Variants in WHRN observed in about 807,000 individuals in gnomAD.
WHRN encodes the protein whirlin, also known as CASK-interacting protein CIP98.
In WHRN, 41 loss-of-function variants were observed where a neutral mutation model predicts 68.3. That is an observed-to-expected ratio of 0.60 (90% CI 0.47 to 0.78). The LOEUF (loss-of-function observed/expected upper bound fraction) is 0.78, where lower values mean the gene tolerates loss of function less well. WHRN is among the 30% of genes least tolerant of loss of function. The pLI, the probability that WHRN is intolerant of heterozygous loss-of-function variation, is 0.00. For missense variants in WHRN, 1,243 were observed against 1,244.7 expected (o/e 1.00, Z 0.02); for synonymous variants, 560 against 561.3 (o/e 1.00, Z 0.03).
rs1345517736 is a variant in WHRN at position 114,402,218 on chromosome 9, G to C, written c.*536C>G. 5.8e-6 allele frequency: 1 copy of C among 172,386 alleles called. No individual in the cohort carries two copies. Among genetic ancestry groups the C allele is most frequent in the African/African-American group, 2.4e-5 (1 of 41,982 alleles). The allele number at this position is 172,386 out of a possible 1,614,324, so 10.7% of individuals were successfully genotyped here. A position where few individuals can be genotyped will look rare whatever the true frequency, so the allele number is the denominator to read the frequency against. On this transcript the variant is annotated 3_prime_UTR_variant, in exon 12 of 12. Transcript: ENST00000362057. ...GAAGCTGGGGCCTTGGGGTCCCCAG[G>C]GGCATGGGGAGGGAAATAAATAATA... is the stretch of plus-strand genomic sequence containing the variant.
At chr9:114,450,531 C>A (rs951172669) in intron 3 of WHRN, among the ~76,000 whole-genome samples, 5 of 152,138 alleles carry the variant, frequency 3.3e-5, no homozygotes, top group African/African-American at 1.2e-4. Flanking sequence ...GAGCCTCAAG[C>A]AAGACTCATG....
intron 3 of WHRN, among the ~76,000 whole-genome samples, chr9:114,442,226 C>G (rs1838432540): frequency 1.3e-5 from 2 of 152,064 alleles, no homozygotes; most frequent in Non-Finnish European, 2.9e-5. Flanking sequence ...GGACTGGGAG[C>G]AGAAAGAATT....
At chr9:114,485,896 C>T (rs1445402318) in intron 1 of WHRN, among the ~76,000 whole-genome samples, 1 of 151,932 alleles carries the variant, frequency 6.6e-6, no homozygotes. Context: ...CACCTGCAGT[C>T]CTAGCTACTC....
At chr9:114,459,440 G>T (rs1028487150) in intron 3 of WHRN, among the ~76,000 whole-genome samples, 1 of 145,028 alleles carries the variant, frequency 6.9e-6, no homozygotes, top group Non-Finnish European at 1.5e-5. Flanking sequence ...TCCAGCCTGG[G>T]CAATAGAGCG....
At chr9:114,458,411 T>C (rs1839981938) in intron 3 of WHRN, among the ~76,000 whole-genome samples, 1 of 152,250 alleles carries the variant, frequency 6.6e-6, no homozygotes, top group African/African-American at 2.4e-5. Flanking sequence ...ATGTGTATTT[T>C]TGCGGGCTTC....
chr9:114,420,231 G>A (rs972776837), intron 7 of WHRN, among the ~76,000 whole-genome samples: 1 of 152,184 alleles, frequency 6.6e-6, no homozygotes, highest in Non-Finnish European at 1.5e-5. Flanking sequence ...TACCTTGAAT[G>A]CTTTGGGCAG....
chr9:114,425,472 A>C (rs1836740173), intron 4 of WHRN: 3 of 416,408 alleles, frequency 7.2e-6, no homozygotes, highest in South Asian at 9.2e-5. Context: ...GATTTTTAAG[A>C]AGCATCCAGA....
rs564891673 is a variant in WHRN, at chr9:114,445,238, C to T, written c.964-18825G>A. 2.2e-4 allele frequency among the ~76,000 whole-genome samples: 34 copies of T among 152,174 alleles called. 1 individual carries two copies. The South Asian group carries it at 6.8e-3, about 31-fold the overall frequency. On this transcript the variant is annotated intron_variant, in intron 3 of 11. Coordinates refer to ENST00000362057, the MANE Select transcript of WHRN (RefSeq NM_015404.4). ...TGTATTTTTAGTAGAGATGGAGTTT[C>T]ACCATGTTGCCCAGGCTAGTCTCAA...
chr9:114,406,332 G>A (rs867036687), intron 9 of WHRN, 23 bp downstream of exon 9: 1 of 1,613,602 alleles, frequency 6.2e-7, no homozygotes, highest in African/African-American at 1.3e-5. Flanking sequence ...AAGGACCACA[G>A]AGCCTGGCCT....
intron 1 of WHRN, among the ~76,000 whole-genome samples, chr9:114,499,467 G>A (rs975777204): frequency 5.9e-5 from 9 of 152,216 alleles, no homozygotes; most frequent in African/African-American, 2.2e-4. Flanking sequence ...CAGATTCGCT[G>A]GTCCTGGCTG....
Position 114,466,193 on chromosome 9 carries a change from G to A in WHRN, c.963+74C>T, listed in dbSNP as rs1840673766. 4 of 1,603,974 alleles carry A rather than the reference G, an allele frequency of 2.5e-6. No individual in the cohort carries two copies. The East Asian group carries it at 6.7e-5, about 27-fold the overall frequency. On this transcript the variant is annotated intron_variant, in intron 3 of 11. Coordinates refer to ENST00000362057, the MANE Select transcript of WHRN (RefSeq NM_015404.4). ...CTCAAGGTGGAGTGCTGATTGCTCT[G>A]CTGGAGGTCTATTTAAAATCAGCAG...
chr9:114,492,095 T>G (rs1366955454), intron 1 of WHRN, among the ~76,000 whole-genome samples: 1 of 150,978 alleles, frequency 6.6e-6, no homozygotes, highest in Non-Finnish European at 1.5e-5. Flanking sequence ...AACAGATTGA[T>G]AAAAATGGAA....
At chr9:114,434,809 C>G (rs958287615) in intron 3 of WHRN, among the ~76,000 whole-genome samples, 1 of 152,200 alleles carries the variant, frequency 6.6e-6, no homozygotes, top group Non-Finnish European at 1.5e-5. Context: ...GATCTCGTCA[C>G]ACCCTCCTTT....
At chr9:114,458,461 T>C (rs893240557) in intron 3 of WHRN, among the ~76,000 whole-genome samples, 5 of 152,234 alleles carry the variant, frequency 3.3e-5, no homozygotes, top group African/African-American at 1.2e-4. Context: ...AAATCTATAA[T>C]GTTGTCCCTT....
intron 7 of WHRN, among the ~76,000 whole-genome samples, chr9:114,419,680 G>C (rs544421633): frequency 6.6e-6 from 1 of 152,224 alleles, no homozygotes; most frequent in Admixed American, 6.5e-5. Flanking sequence ...GTGGGGAGAA[G>C]AACATTCCAG....
chr9:114,432,549 C>G (rs1337832591), intron 3 of WHRN, among the ~76,000 whole-genome samples: 6 of 152,188 alleles, frequency 3.9e-5, no homozygotes, highest in Non-Finnish European at 8.8e-5. Flanking sequence ...GAGTCTCTGA[C>G]TAATTCTACA....
chr9:114,467,555 G>A (rs529105286), intron 2 of WHRN, among the ~76,000 whole-genome samples: 9 of 152,094 alleles, frequency 5.9e-5, no homozygotes, highest in African/African-American at 9.7e-5. Flanking sequence ...AATATGGGAC[G>A]GCTCAAGTCA....
chr9:114,469,062 C>T (rs768509860), intron 2 of WHRN, among the ~76,000 whole-genome samples: 7 of 152,220 alleles, frequency 4.6e-5, no homozygotes, highest in Non-Finnish European at 8.8e-5. Context: ...ACCAGTCACG[C>T]TCACTTCCTT....
chr9:114,457,831 G>A (rs10982226), intron 3 of WHRN, among the ~76,000 whole-genome samples: 20 of 151,362 alleles, frequency 1.3e-4, no homozygotes, highest in African/African-American at 1.7e-4. Context: ...CAGGAGGATC[G>A]CTTGAACCCA....
Sources: gnomAD v4.1 joint callset for allele counts (sites outside exome capture counted in the v4.1 genomes callset) on GRCh38, gnomAD v4.1.1 for gene constraint, MANE v1.5 for transcripts, NCBI Gene and HGNC (gene_info 2026-07-23, HGNC 2026-07-21) for gene names.